The following GPHN variants were observed in gnomAD, a reference collection of about 807,000 sequenced individuals.
GPHN encodes gephyrin.
GPHN carries 17 observed loss-of-function variants against 95.5 expected under a neutral mutation model. That is an observed-to-expected ratio of 0.18 (90% confidence interval 0.12 to 0.27). The LOEUF (loss-of-function observed/expected upper bound fraction) is 0.27. Ranked by LOEUF, GPHN falls within the 10% of genes least tolerant of loss-of-function variation. The probability of loss-of-function intolerance (pLI) is 1.00; values close to 1 mark genes in which losing one functional copy is unlikely to be tolerated. For missense variants in GPHN, 660 were observed against 978.1 expected (o/e 0.67, Z 4.34); for synonymous variants, 320 against 322.5 (o/e 0.99, Z 0.08).
chr14:67,137,147 ATCTG>A (rs2153701085), intron 17 of GPHN, among the ~76,000 whole-genome samples: 1 of 150,088 alleles, frequency 6.7e-6, no homozygotes, highest in South Asian at 2.1e-4. Flanking sequence ...CAGAGCAAGA[ATCTG>A]TCTTTTTTTT....
At chr14:66,761,650 TACTC>T (rs2058758260) in intron 2 of GPHN, among the ~76,000 whole-genome samples, 1 of 151,584 alleles carries the variant, frequency 6.6e-6, no homozygotes, top group Non-Finnish European at 1.5e-5. Context: ...TTTGGAGAAA[TACTC>T]AGTTCTTTTT....
the GPHN span, among the ~76,000 whole-genome samples, chr14:67,446,604 C>T: frequency 1.3e-5 from 2 of 152,196 alleles, no homozygotes; most frequent in Admixed American, 1.3e-4. Flanking sequence ...GGAGGGGCAG[C>T]ACAGTCACCA....
chr14:66,689,269 AT>A (rs1335915102), intron 2 of GPHN, among the ~76,000 whole-genome samples: 1 of 152,084 alleles, frequency 6.6e-6, no homozygotes, highest in Non-Finnish European at 1.5e-5. Flanking sequence ...ATTTTATTAC[AT>A]GCTTTTTCTA....
intron 4 of GPHN, among the ~76,000 whole-genome samples, chr14:66,846,049 A>G (rs2062323795): frequency 6.6e-6 from 1 of 152,234 alleles, no homozygotes; most frequent in Non-Finnish European, 1.5e-5. Flanking sequence ...TGATGGACTT[A>G]GGAAAGCAGT....
chr14:67,578,400 C>T, the GPHN span: 1 of 790,232 alleles, frequency 1.3e-6, no homozygotes, highest in Non-Finnish European at 2.1e-6. This position sits in a 1 kb window ranked among gnomAD's most constrained non-coding sequence, Gnocchi z 5.0. Context: ...ACCAAGTTGG[C>T]CATCCCAGCA....
chr14:67,343,406 C>T, the GPHN span: 5 of 1,611,882 alleles, frequency 3.1e-6, no homozygotes, highest in Non-Finnish European at 3.4e-6. Context: ...TGTTGGTTAT[C>T]TTAATAGCTT....
chr14:67,459,525 C>T, the GPHN span, among the ~76,000 whole-genome samples: 1 of 152,234 alleles, frequency 6.6e-6, no homozygotes, highest in Admixed American at 6.5e-5. Flanking sequence ...ATTTAAAGTT[C>T]TTGCTTTCAC....
chr14:67,593,643 T>A, the GPHN span: 7 of 674,222 alleles, frequency 1.0e-5, no homozygotes, highest in East Asian at 2.7e-5. Flanking sequence ...CTTTTAAATA[T>A]AAGTCTCACT....
At chr14:67,324,069 T>C in the GPHN span, among the ~76,000 whole-genome samples, 1 of 152,216 alleles carries the variant, frequency 6.6e-6, no homozygotes, top group African/African-American at 2.4e-5. Context: ...GAGATGTGAC[T>C]GCCACCAAAG....
At chr14:67,431,841 C>T in the GPHN span, among the ~76,000 whole-genome samples, 2 of 152,194 alleles carry the variant, frequency 1.3e-5, no homozygotes, top group African/African-American at 4.8e-5. Flanking sequence ...AGTGCCCATA[C>T]TCTAGATGTC....
At chr14:67,078,875 C>G (rs946714984) in intron 11 of GPHN, among the ~76,000 whole-genome samples, 15 of 129,970 alleles carry the variant, frequency 1.2e-4, no homozygotes, top group African/African-American at 6.4e-4. Flanking sequence ...TTTTCCCTTC[C>G]CTTAAGCTCT....
chr14:67,278,880 A>G, the GPHN span: 1 of 189,688 alleles, frequency 5.3e-6, no homozygotes, highest in Non-Finnish European at 1.1e-5. Context: ...GTAAAGTGAA[A>G]GTACTTAATC....
the GPHN span, among the ~76,000 whole-genome samples, chr14:67,455,375 C>G: frequency 6.6e-6 from 1 of 152,126 alleles, no homozygotes; most frequent in African/African-American, 2.4e-5. Context: ...CACTGTGGCT[C>G]GCAGTTAATG....
At chr14:67,517,230 A>G in the GPHN span, among the ~76,000 whole-genome samples, 1 of 152,082 alleles carries the variant, frequency 6.6e-6, no homozygotes, top group Admixed American at 6.5e-5. Context: ...CCACGAAGGC[A>G]TAGTACGCCT....
chr14:67,571,142 T>C, the GPHN span: 1 of 152,748 alleles, frequency 6.5e-6, no homozygotes, highest in Non-Finnish European at 1.5e-5. Flanking sequence ...CTAAAATGAA[T>C]GTTGCCATGA....
intron 17 of GPHN, among the ~76,000 whole-genome samples, chr14:67,126,635 T>C (rs1641762843): frequency 6.6e-6 from 1 of 152,180 alleles, no homozygotes; most frequent in South Asian, 2.1e-4. Flanking sequence ...GGAACACTTT[T>C]ACACTGTTGG....
At chr14:66,981,936 T>C (rs1594719913) in intron 9 of GPHN, among the ~76,000 whole-genome samples, 1 of 152,122 alleles carries the variant, frequency 6.6e-6, no homozygotes, top group East Asian at 1.9e-4. Context: ...GGTTCCCTTA[T>C]CAGTAAAAGA....
intron 1 of GPHN, among the ~76,000 whole-genome samples, chr14:66,589,055 C>T (rs957847564): frequency 2.6e-5 from 4 of 152,036 alleles, no homozygotes; most frequent in Non-Finnish European, 4.4e-5. Flanking sequence ...TCCTACAAGC[C>T]AGAAGAGAGT....
intron 1 of GPHN, among the ~76,000 whole-genome samples, chr14:66,535,123 A>G (rs1438415610): frequency 6.6e-6 from 1 of 152,068 alleles, no homozygotes; most frequent in Non-Finnish European, 1.5e-5. Flanking sequence ...TTTTTTACTC[A>G]AAGCTCTATG....
Sources: allele counts gnomAD v4.1 joint callset (sites outside exome capture counted in the v4.1 genomes callset), GRCh38; gene constraint gnomAD v4.1.1; non-coding constraint Gnocchi (gnomAD v3.1); transcripts MANE v1.5; gene names NCBI Gene and HGNC (gene_info 2026-07-23, HGNC 2026-07-21).